The following KCNK2 variants were observed in gnomAD, a reference collection of about 807,000 sequenced individuals.
KCNK2 encodes potassium two pore domain channel subfamily K member 2, also known as potassium channel subfamily K member 2.
Under a neutral mutation model 40.5 loss-of-function variants are expected in KCNK2, and 21 were observed. That is an observed-to-expected ratio of 0.52 (90% CI 0.37 to 0.75). KCNK2 has a LOEUF of 0.75. Ranked by LOEUF, KCNK2 falls within the 30% of genes least tolerant of loss-of-function variation. The pLI, the probability that KCNK2 is intolerant of heterozygous loss-of-function variation, is 0.00. For missense variants in KCNK2, 399 were observed against 531.6 expected, an observed-to-expected ratio of 0.75 and a Z score of 2.45; for synonymous variants, 191 against 202.2, an observed-to-expected ratio of 0.94 and a Z score of 0.47.
At chr1:215,190,034 G>A (rs1427053934) in intron 5 of KCNK2, among the ~76,000 whole-genome samples, 1 of 152,186 alleles carries the variant, frequency 6.6e-6, no homozygotes, top group Non-Finnish European at 1.5e-5. Flanking sequence ...TAGAAAATCA[G>A]AAGAGATGTA....
chr1:215,082,595 G>A (rs914927812), upstream of KCNK2, among the ~76,000 whole-genome samples: 2 of 152,088 alleles, frequency 1.3e-5, no homozygotes, highest in Admixed American at 1.3e-4. Flanking sequence ...CCCAGGAAGA[G>A]GGAAGAGAGG....
At chr1:215,060,862 G>C (rs1160640284) in intron 1 of KCNK2, among the ~76,000 whole-genome samples, 1 of 152,016 alleles carries the variant, frequency 6.6e-6, no homozygotes, top group Non-Finnish European at 1.5e-5. Flanking sequence ...AACTATTTAA[G>C]CTAAATATTA....
At chr1:215,147,347 G>A (rs1409757077) in intron 3 of KCNK2, among the ~76,000 whole-genome samples, 2 of 152,100 alleles carry the variant, frequency 1.3e-5, no homozygotes, top group African/African-American at 4.8e-5. Context: ...ATTTTGCTAT[G>A]GATCCTTAGT....
chr1:215,218,465 C>T (rs550602222), intron 6 of KCNK2, among the ~76,000 whole-genome samples: 3 of 152,308 alleles, frequency 2.0e-5, no homozygotes, highest in South Asian at 2.1e-4. Flanking sequence ...AATATCACCC[C>T]GCATTCATCC....
At chr1:215,203,927 A>T (rs1199186211) in intron 6 of KCNK2, among the ~76,000 whole-genome samples, 5 of 149,768 alleles carry the variant, frequency 3.3e-5, no homozygotes, top group Non-Finnish European at 7.4e-5. Flanking sequence ...AGTCCCAGCT[A>T]CTCGGGAGGC....
intron 1 of KCNK2, among the ~76,000 whole-genome samples, chr1:215,075,417 A>G (rs1658894181): frequency 1.3e-5 from 2 of 152,140 alleles, no homozygotes; most frequent in African/African-American, 4.8e-5. Context: ...TCAGGAATTC[A>G]ATGGTGTTTT....
At chr1:215,039,885 A>G (rs939868600) in intron 1 of KCNK2, among the ~76,000 whole-genome samples, 2 of 152,054 alleles carry the variant, frequency 1.3e-5, no homozygotes, top group African/African-American at 4.8e-5. Flanking sequence ...GGCTTTTCCT[A>G]TCGTTGTTTG....
At chr1:215,006,961 A>G (rs532670755) in intron 1 of KCNK2, among the ~76,000 whole-genome samples, 1 of 139,082 alleles carries the variant, frequency 7.2e-6, no homozygotes, top group African/African-American at 2.7e-5. Context: ...TTTGTTCCAC[A>G]TTGGAAGGGT....
intron 1 of KCNK2, among the ~76,000 whole-genome samples, chr1:215,040,555 A>G (rs1657527799): frequency 6.6e-6 from 1 of 152,176 alleles, no homozygotes; most frequent in African/African-American, 2.4e-5. Flanking sequence ...CCTGGGGCTT[A>G]ATAGAAACAG....
At chr1:215,184,207 T>C (rs1267776117) in intron 5 of KCNK2, among the ~76,000 whole-genome samples, 1 of 152,196 alleles carries the variant, frequency 6.6e-6, no homozygotes, top group Non-Finnish European at 1.5e-5. Flanking sequence ...GCTTGTGTCC[T>C]GAAACACTCA....
At chr1:215,010,860 T>G (rs1327644391) in intron 1 of KCNK2, among the ~76,000 whole-genome samples, 9 of 116,062 alleles carry the variant, frequency 7.8e-5, no homozygotes, top group African/African-American at 2.8e-4. Flanking sequence ...GATTTTTTTT[T>G]TTTTTTTTTG....
Position 215,124,922 on chromosome 1 carries a change from G to A in KCNK2, c.475+172G>A, listed in dbSNP as rs138729496. On this transcript the variant is annotated intron_variant, in intron 3 of 6. Transcript: ENST00000444842. ...TAAAGATTTAAACAAAAGAATAATGGAAATGAATTAGTTATTTTAGAATAC... is the reference window on the plus strand; with the variant it reads ...TAAAGATTTAAACAAAAGAATAATGAAAATGAATTAGTTATTTTAGAATAC... 2.0e-5 allele frequency among the ~76,000 whole-genome samples: 3 copies of A among 152,246 alleles called. No individual in the cohort carries two copies. The East Asian group carries it at 5.8e-4, about 29-fold the overall frequency.
intron 5 of KCNK2, among the ~76,000 whole-genome samples, chr1:215,192,763 T>C (rs1664719107): frequency 6.6e-6 from 1 of 152,190 alleles, no homozygotes; most frequent in East Asian, 1.9e-4. Flanking sequence ...CATTTATAAT[T>C]ATTCCCAGAA....
At chr1:215,188,089 G>A (rs1664522885) in intron 5 of KCNK2, among the ~76,000 whole-genome samples, 1 of 152,128 alleles carries the variant, frequency 6.6e-6, no homozygotes, top group African/African-American at 2.4e-5. Flanking sequence ...TATTCCATCT[G>A]AGCATGAATT....
intron 1 of KCNK2, among the ~76,000 whole-genome samples, chr1:215,016,165 C>T (rs1176440857): frequency 3.3e-5 from 5 of 152,044 alleles, no homozygotes; most frequent in Admixed American, 6.5e-5. Context: ...ACACAAAACT[C>T]AATTAACAGG....
At chr1:215,058,361 A>G (rs753785734) in intron 1 of KCNK2, among the ~76,000 whole-genome samples, 9 of 152,204 alleles carry the variant, frequency 5.9e-5, no homozygotes, top group Non-Finnish European at 1.3e-4. Context: ...ATGCAGGACC[A>G]TTAGTTATGC....
chr1:215,209,162 G>A (rs1189977045), intron 6 of KCNK2, among the ~76,000 whole-genome samples: 2 of 144,406 alleles, frequency 1.4e-5, no homozygotes, highest in Non-Finnish European at 3.0e-5. Flanking sequence ...TTCTTTTAGT[G>A]AGGGCATTTT....
At chr1:215,209,490 T>TATTATATATATAATAC (rs1665526197) in intron 6 of KCNK2, among the ~76,000 whole-genome samples, 4 of 3,092 alleles carry the variant, frequency 1.3e-3, no homozygotes, top group African/African-American at 7.2e-3. Context: ...ATATAATACA[T>TATTATATATATAATAC]ATATATAATA....
chr1:215,159,221 A>C (rs1663080267), intron 3 of KCNK2, among the ~76,000 whole-genome samples: 1 of 152,174 alleles, frequency 6.6e-6, no homozygotes, highest in African/African-American at 2.4e-5. Flanking sequence ...TCCTTACATC[A>C]AAGCCCATGG....
Sources: gnomAD v4.1 joint callset for allele counts (sites outside exome capture counted in the v4.1 genomes callset) on GRCh38, gnomAD v4.1.1 for gene constraint, MANE v1.5 for transcripts, NCBI Gene and HGNC (gene_info 2026-07-23, HGNC 2026-07-21) for gene names.